The following GLIS3 variants were observed in gnomAD, a reference collection of about 807,000 sequenced individuals.
The protein encoded by GLIS3 is zinc finger protein GLIS3.
GLIS3 carries 53 observed loss-of-function variants against 78.6 expected under a neutral mutation model. The observed-to-expected ratio is 0.67, with a 90% CI of 0.54 to 0.85. GLIS3 has a LOEUF of 0.85. Ranked by LOEUF, GLIS3 falls within the 40% of genes least tolerant of loss-of-function variation. The probability of loss-of-function intolerance (pLI) is 0.00; values close to 1 mark genes in which losing one functional copy is unlikely to be tolerated. For missense variants in GLIS3, 1,703 were observed against 1,231.1 expected (o/e 1.38, Z -5.74); for synonymous variants, 684 against 509.9 (o/e 1.34, Z -4.60).
chr9:4,251,694 C>T (rs1404580710), intron 2 of GLIS3, among the ~76,000 whole-genome samples: 1 of 152,082 alleles, frequency 6.6e-6, no homozygotes, highest in Non-Finnish European at 1.5e-5. Flanking sequence ...GCAGTTTCTT[C>T]AGTGTCGATG....
intron 2 of GLIS3, among the ~76,000 whole-genome samples, chr9:4,253,525 G>A (rs1417438859): frequency 6.6e-6 from 1 of 152,234 alleles, no homozygotes; most frequent in Non-Finnish European, 1.5e-5. Flanking sequence ...TGAAGCCAGT[G>A]GATCTTGGCT....
At chr9:4,248,532 T>A (rs987470032) in intron 2 of GLIS3, among the ~76,000 whole-genome samples, 1 of 152,214 alleles carries the variant, frequency 6.6e-6, no homozygotes, top group Non-Finnish European at 1.5e-5. Context: ...CTATTGTAAA[T>A]AGTGCTGCAA....
chr9:4,298,028 C>A (rs954592963), intron 1 of GLIS3, among the ~76,000 whole-genome samples: 2 of 152,186 alleles, frequency 1.3e-5, no homozygotes, highest in Non-Finnish European at 2.9e-5. Flanking sequence ...CGCCCCTAAC[C>A]CTCGGCCCCG....
the GLIS3 span, among the ~76,000 whole-genome samples, chr9:4,400,137 T>C: frequency 6.6e-6 from 1 of 152,126 alleles, no homozygotes; most frequent in Non-Finnish European, 1.5e-5. Flanking sequence ...AGGAGGTACA[T>C]GTGTATTTGA....
intron 8 of GLIS3, among the ~76,000 whole-genome samples, chr9:3,874,191 C>G (rs1390185876): frequency 3.9e-5 from 6 of 152,200 alleles, no homozygotes; most frequent in Non-Finnish European, 7.3e-5. Context: ...CCCCCAAACT[C>G]TGAGGGAAGA....
chr9:4,094,151 T>G (rs1829751982), intron 4 of GLIS3, among the ~76,000 whole-genome samples: 1 of 151,532 alleles, frequency 6.6e-6, no homozygotes, highest in Non-Finnish European at 1.5e-5. Context: ...GAGATGGGAG[T>G]GGAACATGGA....
intron 2 of GLIS3, among the ~76,000 whole-genome samples, chr9:4,160,489 T>G (rs1835389754): frequency 6.6e-6 from 1 of 152,232 alleles, no homozygotes; most frequent in African/African-American, 2.4e-5. Flanking sequence ...GAACCACATA[T>G]TAAAAACAAA....
At chr9:4,139,094 A>G (rs1273899222) in intron 2 of GLIS3, among the ~76,000 whole-genome samples, 1 of 152,214 alleles carries the variant, frequency 6.6e-6, no homozygotes, top group East Asian at 1.9e-4. Flanking sequence ...AACTTATCTT[A>G]TTAAGAAAAC....
intron 2 of GLIS3, among the ~76,000 whole-genome samples, chr9:4,236,204 A>ATAAAAG (rs1554630096): frequency 1.2e-5 from 1 of 86,340 alleles, no homozygotes; most frequent in Non-Finnish European, 2.1e-5. Context: ...AAAAAAAAAA[A>ATAAAAG]AAAGAAAGAA....
the GLIS3 span, among the ~76,000 whole-genome samples, chr9:4,468,009 C>A: frequency 6.6e-6 from 1 of 151,768 alleles, no homozygotes; most frequent in Non-Finnish European, 1.5e-5. Flanking sequence ...GTTCAGTAGT[C>A]GATTCAATCA....
intron 4 of GLIS3, among the ~76,000 whole-genome samples, chr9:4,013,751 T>C (rs1274008468): frequency 6.6e-6 from 1 of 152,186 alleles, no homozygotes; most frequent in Non-Finnish European, 1.5e-5. Flanking sequence ...TAATAGAGTC[T>C]GAGGGGCAGA....
At chr9:4,258,672 A>C (rs1434704809) in intron 2 of GLIS3, among the ~76,000 whole-genome samples, 2 of 152,150 alleles carry the variant, frequency 1.3e-5, no homozygotes, top group African/African-American at 2.4e-5. Flanking sequence ...TAGAAACCTC[A>C]GAAACATCAG....
chr9:4,402,398 C>T, the GLIS3 span, among the ~76,000 whole-genome samples: 1 of 152,222 alleles, frequency 6.6e-6, no homozygotes, highest in South Asian at 2.1e-4. Context: ...AAGTACCAAA[C>T]TCTTCAATGT....
chr9:3,830,164 T>C (rs1313210180), intron 9 of GLIS3, among the ~76,000 whole-genome samples: 1 of 152,096 alleles, frequency 6.6e-6, no homozygotes, highest in Non-Finnish European at 1.5e-5. Flanking sequence ...TATTTGAAAA[T>C]AATCATCAAC....
At chr9:4,273,826 C>T (rs1162283024) in intron 2 of GLIS3, among the ~76,000 whole-genome samples, 4 of 152,074 alleles carry the variant, frequency 2.6e-5, no homozygotes, top group Admixed American at 2.0e-4. Context: ...TCTTTCTCAG[C>T]TTCTTGACTC....
At chr9:4,235,222 C>T (rs1056142106) in intron 2 of GLIS3, among the ~76,000 whole-genome samples, 4 of 148,408 alleles carry the variant, frequency 2.7e-5, no homozygotes, top group African/African-American at 1.0e-4. Context: ...TCGCTTGAAC[C>T]CGGGAGGCGG....
At chr9:4,407,934 A>C in the GLIS3 span, among the ~76,000 whole-genome samples, 2 of 152,206 alleles carry the variant, frequency 1.3e-5, no homozygotes, top group Non-Finnish European at 2.9e-5. Context: ...AAAATCTAAT[A>C]ATCGAATTTT....
intron 4 of GLIS3, among the ~76,000 whole-genome samples, chr9:3,994,554 T>G (rs1334358767): frequency 6.6e-6 from 1 of 152,188 alleles, no homozygotes; most frequent in Non-Finnish European, 1.5e-5. Context: ...ATTATTAAAA[T>G]ATGTTTTTGA....
intron 2 of GLIS3, among the ~76,000 whole-genome samples, chr9:4,213,399 G>T (rs1386324774): frequency 1.3e-5 from 2 of 152,102 alleles, no homozygotes; most frequent in Non-Finnish European, 2.9e-5. Flanking sequence ...TGCAATGGAA[G>T]TATCCCCATG....
Sources: allele counts gnomAD v4.1 joint callset (sites outside exome capture counted in the v4.1 genomes callset), GRCh38; gene constraint gnomAD v4.1.1; transcripts MANE v1.5; gene names NCBI Gene and HGNC (gene_info 2026-07-23, HGNC 2026-07-21).